GBP4: variants seen among roughly 807,000 people sequenced by gnomAD.
GBP4 encodes the protein guanylate binding protein 4.
Under a neutral mutation model 62.2 loss-of-function variants are expected in GBP4, and 69 were observed. That is an observed-to-expected ratio of 1.11 (90% CI 0.91 to 1.36). The LOEUF (loss-of-function observed/expected upper bound fraction) is 1.36, where lower values mean the gene tolerates loss of function less well. GBP4 is among the 40% of genes most tolerant of loss of function. The probability of loss-of-function intolerance (pLI) is 0.00; values close to 1 mark genes in which losing one functional copy is unlikely to be tolerated. For synonymous variants in GBP4, 278 were observed against 274.6 expected (o/e 1.01, Z -0.12); for missense variants, 697 against 759.3 (o/e 0.92, Z 0.96).
At chr1:89,192,771 C>G (rs1048935307) in intron 5 of GBP4, 133 bp downstream of exon 5, 11 of 748,136 alleles carry the variant, frequency 1.5e-5, no homozygotes, top group Non-Finnish European at 2.2e-5. Context: ...ACTTGTCAAT[C>G]ACCAACCACC....
intron 8 of GBP4, 49 bp from the exon 9 acceptor site, chr1:89,187,151 T>C: frequency 6.9e-7 from 1 of 1,450,214 alleles, no homozygotes; most frequent in Non-Finnish European, 9.7e-7. Context: ...AAAGGTCTCA[T>C]CTTATGATGG....
intron 2 of GBP4, 131 bp downstream of exon 2, chr1:89,196,979 G>T: frequency 1.6e-6 from 1 of 607,110 alleles, no homozygotes; most frequent in African/African-American, 1.8e-5. Context: ...TGTAAATTTA[G>T]TGGTGAGAAT....
chr1:89,191,748 G>A (rs1648195134), intron 5 of GBP4, among the ~76,000 whole-genome samples: 1 of 152,188 alleles, frequency 6.6e-6, no homozygotes, highest in African/African-American at 2.4e-5. Context: ...ACAAAATGAA[G>A]AAACTTATGA....
Position 89,197,324 on chromosome 1 carries a change from A to G in GBP4, c.41-20T>C, listed in dbSNP as rs1454680981. ...GATAACCTGTAACCCAGAAAAAAAT[A>G]CTCAGTAGAATACAAGATCTTGAAG... On this transcript the variant is annotated intron_variant, in intron 1 of 10. Transcript: ENST00000355754. 1.2e-6 allele frequency: 2 copies of G among 1,604,528 alleles called. No individual in the cohort carries two copies. The highest frequency in any genetic ancestry group is 2.2e-5 in the South Asian group (2 of 89,742).
rs145187350 is a variant in GBP4, at chr1:89,188,712, C to T, written c.1280G>A (p.Arg427Gln). The change falls in exon 8 of 11, where the codon CGG (arginine) becomes CAG (glutamine). Residue 427 changes from arginine to glutamine, a missense_variant. By Grantham distance (43) the Arg-to-Gln change is conservative. Around this residue, in one of 2 missense-constraint regions of GBP4, gnomAD observed 556 missense variants for 562.7 expected, o/e 0.99. Transcript: ENST00000355754. ...SAKYCQAELK[R>Q]LSEHLTESIL... ...GCTTTCTGTCAGGTGCTCTGAAAGC[C>T]GCTTAAGCTCAGCCTGGCAATATTT... The T allele has an allele frequency of 2.7e-4, 430 of 1,614,202 alleles. 2 individuals are homozygous for T. The African/African-American group carries it at 4.9e-3, about 18-fold the overall frequency.
intron 8 of GBP4, 30 bp from the exon 9 acceptor site, chr1:89,187,132 T>C: frequency 1.3e-6 from 2 of 1,584,976 alleles, no homozygotes; most frequent in Non-Finnish European, 1.7e-6. Flanking sequence ...CAAAGACCTG[T>C]CAGGCAGCAA....
chr1:89,193,198 T>C lies in GBP4; in HGVS notation c.474-98A>G, dbSNP rs544553218. On this transcript the variant is annotated intron_variant, in intron 4 of 10. Transcript: ENST00000355754. ...ACACGTTCCCTTTTGCACTCTGTCT[T>C]TTCTTACTCAACCAGGACAACTGAG... The C allele has an allele frequency of 2.3e-4, 354 of 1,528,634 alleles. 2 individuals are homozygous for C. The South Asian group carries it at 3.8e-3, about 16-fold the overall frequency. The allele number at this position is 1,528,634 out of a possible 1,614,324, so 94.7% of individuals were successfully genotyped here.
In GBP4 at chr1:89,190,033, A is replaced by G. The variant is rs1557474196; in HGVS notation, c.1197+5T>C. 1 of 1,602,670 alleles carries G rather than the reference A, an allele frequency of 6.2e-7. No individual in the cohort carries two copies. Among genetic ancestry groups the G allele is most frequent in the South Asian group, 1.1e-5 (1 of 90,128 alleles). ...GAAATCAGGAAGGATAAATGCTAAA[A>G]GTACCACAAGCTTCTTCTGGAATTC... is the stretch of plus-strand genomic sequence containing the variant. On this transcript the variant is annotated splice_donor_5th_base_variant and intron_variant, in intron 7 of 10. Transcript: ENST00000355754.
Position 89,191,518 on chromosome 1 carries a change from TA to T in GBP4, c.671-13del. The T allele has an allele frequency of 1.2e-6, 2 of 1,607,904 alleles. No individual in the cohort carries two copies. Among genetic ancestry groups the T allele is most frequent in the Non-Finnish European group, 8.5e-7 (1 of 1,175,908 alleles). On this transcript the variant is annotated splice_polypyrimidine_tract_variant and intron_variant, in intron 5 of 10. Transcript: ENST00000355754. ...TTTGGGATTCTTGCCTGTGGAATTG[TA>T]AAAAAGAGGGCTCATTGAAGAGACA...
intron 6 of GBP4, 128 bp downstream of exon 6, chr1:89,191,133 C>T: frequency 9.3e-7 from 1 of 1,074,720 alleles, no homozygotes; most frequent in South Asian, 1.6e-5. Context: ...TCTATGTGTG[C>T]AATGAACATC....
At chr1:89,198,591 C>G (rs1038799774) in intron 1 of GBP4, 4 of 579,022 alleles carry the variant, frequency 6.9e-6, no homozygotes, top group Admixed American at 5.8e-5. Context: ...GCCTGTGGAC[C>G]GTCTAGAGAC....
chr1:89,193,840 C>T (rs1648254795), intron 3 of GBP4, among the ~76,000 whole-genome samples: 1 of 152,178 alleles, frequency 6.6e-6, no homozygotes, highest in African/African-American at 2.4e-5. Flanking sequence ...ACAGTCCCTG[C>T]CTTCAAGAAG....
intron 8 of GBP4, among the ~76,000 whole-genome samples, chr1:89,187,918 A>C (rs1648080882): frequency 6.6e-6 from 1 of 152,242 alleles, no homozygotes; most frequent in South Asian, 2.1e-4. Context: ...CTCATGGAAC[A>C]CAGGACAAAA....
chr1:89,190,285 G>C lies in GBP4; in HGVS notation c.950C>G (p.Ala317Gly). The C allele has an allele frequency of 6.2e-7, 1 of 1,613,170 alleles. No individual in the cohort carries two copies. Among genetic ancestry groups the C allele is most frequent in the South Asian group, 1.1e-5 (1 of 91,034 alleles). ...LGTLVVTYVDAINSGAVPCLE... is the reference protein window; with the variant it reads ...LGTLVVTYVDGINSGAVPCLE... ...ACAAGGTACTGCTCCACTGTTGATG[G>C]CATCTACATAAGTCACCACCAGAGT... is the stretch of plus-strand genomic sequence containing the variant. The change falls in exon 7 of 11, where the codon GCC (alanine) becomes GGC (glycine). Residue 317 changes from alanine (A) to glycine (G), a missense_variant. Ala to Gly is a moderately conservative substitution (Grantham distance 60, BLOSUM62 0). This residue lies in a region of GBP4 where 556 missense variants were observed against 562.7 expected (regional missense o/e 0.99). Transcript: ENST00000355754.
In GBP4 at chr1:89,182,308, C is replaced by T. The variant is rs1392484515; in HGVS notation, c.*2946G>A. ...CTGTCCCTTTTAAGGGCTCACAACA[C>T]TAAAGATTTCACATGAAAGGGTCAT... On this transcript the variant is annotated 3_prime_UTR_variant, in exon 11 of 11. Coordinates refer to ENST00000355754, the MANE Select transcript of GBP4 (RefSeq NM_052941.5). 2 of 152,108 alleles carry T rather than the reference C, an allele frequency of 1.3e-5. No homozygotes were observed. Among genetic ancestry groups the T allele is most frequent in the Non-Finnish European group, 2.9e-5 (2 of 68,032 alleles). 9.4% of individuals were successfully genotyped at this position (152,108 alleles called of 1,614,324 possible).
chr1:89,198,819 G>A lies in GBP4; in HGVS notation c.16C>T (p.Leu6Phe). 1 of 1,613,992 alleles carries A rather than the reference G, an allele frequency of 6.2e-7. No homozygotes were observed. Residue 6 changes from leucine to phenylalanine, a missense_variant, in exon 1 of 11, where the codon CTT becomes TTT. Around this residue, in one of 2 missense-constraint regions of GBP4, gnomAD observed 556 missense variants for 562.7 expected, o/e 0.99. Transcript: ENST00000355754. Reference sequence around the variant, plus strand: ...CCTGGTGTGGGCACTGCAGCGTGAAGAGTTCTCTCACCCATTGCTCTGTCC... The same window carrying A: ...CCTGGTGTGGGCACTGCAGCGTGAAAAGTTCTCTCACCCATTGCTCTGTCC... MGERTLHAAVPTPGYP... is the reference protein window; with the variant it reads MGERTFHAAVPTPGYP...
intron 9 of GBP4, 92 bp from the exon 10 acceptor site, chr1:89,186,618 G>T: frequency 8.9e-7 from 1 of 1,125,574 alleles, no homozygotes. Context: ...TCGGAGAAAA[G>T]CACAAAGGTG....
In GBP4 at chr1:89,194,301, A is replaced by G. The variant is rs371816991; in HGVS notation, c.364-889T>C. ...TTTAAAAAAATTTAGATGGTCCCCA[A>G]ATCACATTACAAGTTCTAAGGTCAG... On this transcript the variant is annotated intron_variant, in intron 3 of 10. Transcript: ENST00000355754. Among the ~76,000 whole-genome samples the G allele has an allele frequency of 1.0e-3, 152 of 152,342 alleles. 5 individuals are homozygous for G. In the South Asian group the frequency reaches 0.031, roughly 31 times the overall value.
intron 8 of GBP4, among the ~76,000 whole-genome samples, chr1:89,188,354 T>C (rs533015663): frequency 6.6e-6 from 1 of 152,354 alleles, no homozygotes; most frequent in East Asian, 1.9e-4. Context: ...ATATAATAAA[T>C]GGGTTGTTTC....
Sources: gnomAD v4.1 joint callset for allele counts (sites outside exome capture counted in the v4.1 genomes callset) on GRCh38, gnomAD v4.1.1 for gene constraint, gnomAD v4.1.1 regional missense constraint, MANE v1.5 for transcripts, NCBI Gene and HGNC (gene_info 2026-07-23, HGNC 2026-07-21) for gene names.